Variants in PCDHA1 observed in about 807,000 individuals in gnomAD.
PCDHA1 encodes protocadherin alpha-1.
PCDHA1 carries 42 observed loss-of-function variants against 61.3 expected under a neutral mutation model. The ratio of observed to expected loss-of-function variants is 0.69; its 90% CI spans 0.54 to 0.89. PCDHA1 has a LOEUF of 0.89. PCDHA1 is among the 40% of genes least tolerant of loss of function. The probability of loss-of-function intolerance (pLI) is 0.00; values close to 1 mark genes in which losing one functional copy is unlikely to be tolerated. For missense variants in PCDHA1, 1,256 were observed against 1,235.3 expected, an observed-to-expected ratio of 1.02 and a Z score of -0.25; for synonymous variants, 610 against 553.8, an observed-to-expected ratio of 1.10 and a Z score of -1.43.
rs781972089 is a variant in PCDHA1 at position 141,009,851 on chromosome 5, A to G, written c.2767A>G (p.Lys923Glu). 1 of 1,614,060 alleles carries G rather than the reference A, an allele frequency of 6.2e-7. No individual in the cohort carries two copies. Among genetic ancestry groups the G allele is most frequent in the Non-Finnish European group, 8.5e-7 (1 of 1,179,986 alleles). Residue 923 changes from lysine to glutamate, a missense_variant, in exon 4 of 4, where the codon AAG becomes GAG. Transcript: ENST00000504120. ...AACCTTCGGCAAAAAGGAGGAGACC[A>G]AGAAAAAGAAGAAAAAGAAGAAGGG... is the stretch of plus-strand genomic sequence containing the variant. ...FITFGKKEETKKKKKKKKGNK... is the reference protein window; with the variant it reads ...FITFGKKEETEKKKKKKKGNK...
At chr5:140,803,794 A>C in intron 1 of PCDHA1, 1 of 817,710 alleles carries the variant, frequency 1.2e-6, no homozygotes, top group Non-Finnish European at 1.9e-6. Context: ...TATGATATCC[A>C]CACTTGTAAT....
intron 3 of PCDHA1, among the ~76,000 whole-genome samples, chr5:141,006,404 G>T (rs1001810745): frequency 6.6e-6 from 1 of 151,938 alleles, no homozygotes; most frequent in Admixed American, 6.6e-5. Flanking sequence ...TAGTAGAGAC[G>T]CGGTTTCACT....
At chr5:140,798,659 G>T (rs1554120715) in intron 1 of PCDHA1, among the ~76,000 whole-genome samples, 1 of 152,194 alleles carries the variant, frequency 6.6e-6, no homozygotes, top group African/African-American at 2.4e-5. Flanking sequence ...TTACCTGGAA[G>T]CATCCATATT....
At chr5:140,797,254 C>A (rs781823139) in intron 1 of PCDHA1, 7 of 1,614,162 alleles carry the variant, frequency 4.3e-6, no homozygotes, top group Middle Eastern at 1.6e-4. Flanking sequence ...TGGGGAGGAC[C>A]CCCCCAAGAC....
chr5:140,889,037 A>G (rs2062077417), intron 1 of PCDHA1, among the ~76,000 whole-genome samples: 1 of 151,994 alleles, frequency 6.6e-6, no homozygotes, highest in Non-Finnish European at 1.5e-5. Context: ...CCGTAATTTG[A>G]TTATAATTTA....
intron 1 of PCDHA1, chr5:140,871,575 A>C (rs974047385): frequency 1.4e-6 from 2 of 1,477,482 alleles, no homozygotes; most frequent in Non-Finnish European, 1.8e-6. Flanking sequence ...GGATTTTTTA[A>C]GGGAAAGTTT....
intron 1 of PCDHA1, among the ~76,000 whole-genome samples, chr5:140,789,575 T>C (rs1761538434): frequency 6.6e-6 from 1 of 152,084 alleles, no homozygotes; most frequent in African/African-American, 2.4e-5. Context: ...TGTGAACAAT[T>C]TCCTGATGCC....
chr5:140,839,307 C>T (rs1554137377), intron 1 of PCDHA1, among the ~76,000 whole-genome samples: 1 of 151,838 alleles, frequency 6.6e-6, no homozygotes, highest in Non-Finnish European at 1.5e-5. Flanking sequence ...TTTAAATATC[C>T]TATTTATATT....
rs782119738 is a variant in PCDHA1, at chr5:140,927,224, G to A, written c.2395-51725G>A. ...GACCCGCTGGAGCTGCACAAGATTC[G>A]GATTCACGTCCTGGACACCAATGAC... On this transcript the variant is annotated intron_variant, in intron 1 of 3. Coordinates refer to ENST00000504120, the MANE Select transcript of PCDHA1 (RefSeq NM_018900.4). 3 of 1,614,072 alleles carry A rather than the reference G, an allele frequency of 1.9e-6. No homozygotes were observed. The South Asian group carries it at 3.3e-5, about 18-fold the overall frequency.
chr5:140,932,351 A>G (rs1401387848), intron 1 of PCDHA1, among the ~76,000 whole-genome samples: 1 of 151,920 alleles, frequency 6.6e-6, no homozygotes, highest in African/African-American at 2.4e-5. Context: ...TTACCATACA[A>G]CTGGCCTTAT....
intron 1 of PCDHA1, chr5:140,805,559 A>G: frequency 1.0e-6 from 1 of 976,686 alleles, no homozygotes; most frequent in African/African-American, 1.7e-5. Context: ...TATAGGAGGC[A>G]AGGAAAGTTT....
In PCDHA1 at chr5:140,992,017, CTGTGTG is replaced by C. The variant is rs10602499; in HGVS notation, c.2542+9486_2542+9491del. On this transcript the variant is annotated intron_variant, in intron 3 of 3. Coordinates refer to ENST00000504120, the MANE Select transcript of PCDHA1 (RefSeq NM_018900.4). ...CTTTCATGTTCAGGCAGAGGTGGCT[CTGTGTG>C]TGTGTGTGTGTGTGTGTGTGTGTGT... 2.1e-3 allele frequency among the ~76,000 whole-genome samples: 300 copies of C among 145,496 alleles called. 2 individuals carry two copies. The highest frequency in any genetic ancestry group is 4.8e-3 in the African/African-American group (189 of 39,270).
intron 3 of PCDHA1, among the ~76,000 whole-genome samples, chr5:140,992,954 C>G (rs1174073844): frequency 6.6e-6 from 1 of 152,190 alleles, no homozygotes; most frequent in Non-Finnish European, 1.5e-5. Context: ...TTAAATCACC[C>G]CTTATACTGC....
intron 1 of PCDHA1, chr5:140,969,137 T>A (rs1326685727): frequency 6.2e-7 from 1 of 1,614,036 alleles, no homozygotes. Flanking sequence ...CACCAAGACC[T>A]ACTGCTACAA....
At chr5:140,856,204 G>A (rs782220766) in intron 1 of PCDHA1, 2 of 1,598,000 alleles carry the variant, frequency 1.3e-6, no homozygotes, top group African/African-American at 2.7e-5. Flanking sequence ...AGGACCTGGG[G>A]CTGGAGCTGG....
intron 1 of PCDHA1, chr5:140,882,745 T>A (rs782756975): frequency 4.3e-6 from 7 of 1,614,124 alleles, no homozygotes; most frequent in African/African-American, 1.3e-5. Flanking sequence ...GCGCATCCGA[T>A]GCAGATATTG....
At chr5:141,006,328 C>CA (rs1258327155) in intron 3 of PCDHA1, among the ~76,000 whole-genome samples, 12 of 152,060 alleles carry the variant, frequency 7.9e-5, no homozygotes, top group Non-Finnish European at 1.6e-4. Flanking sequence ...TCTCCTGCCT[C>CA]AGCCTCCTGA....
At chr5:140,805,805 T>C (rs903547891) in intron 1 of PCDHA1, among the ~76,000 whole-genome samples, 5 of 152,134 alleles carry the variant, frequency 3.3e-5, no homozygotes, top group African/African-American at 7.2e-5. Flanking sequence ...TAGAAAATCA[T>C]AGAGGCTATT....
Position 140,849,460 on chromosome 5 carries a change from C to T in PCDHA1, c.2394+60776C>T, listed in dbSNP as rs144662587. The T allele has an allele frequency of 6.9e-6, 11 of 1,588,102 alleles. 3 individuals are homozygous for T. Among genetic ancestry groups the T allele is most frequent in the Non-Finnish European group, 9.5e-6 (11 of 1,161,646 alleles). On this transcript the variant is annotated intron_variant, in intron 1 of 3. Transcript: ENST00000504120. ...AGAGCACACAAGATCCCAGTCGAGG[C>T]TGTCGATAAAGGCTTCCCACCCCTG...
Sources: allele counts gnomAD v4.1 joint callset (sites outside exome capture counted in the v4.1 genomes callset), GRCh38; gene constraint gnomAD v4.1.1; transcripts MANE v1.5; gene names NCBI Gene and HGNC (gene_info 2026-07-23, HGNC 2026-07-21).